The following CRYBG3 variants were observed in gnomAD, a reference collection of about 807,000 sequenced individuals.
CRYBG3 encodes the protein very large A-kinase anchor protein.
CRYBG3 carries 127 observed loss-of-function variants against 244.2 expected under a neutral mutation model. The observed-to-expected ratio is 0.52, with a 90% CI of 0.45 to 0.60. The LOEUF (loss-of-function observed/expected upper bound fraction) is 0.60. Ranked by LOEUF, CRYBG3 falls within the 20% of genes least tolerant of loss-of-function variation. The pLI, the probability that CRYBG3 is intolerant of heterozygous loss-of-function variation, is 0.00. For missense variants in CRYBG3, 3,325 were observed against 3,442.5 expected (o/e 0.97, Z 0.85); for synonymous variants, 1,132 against 1,195.8 (o/e 0.95, Z 1.10).
Position 97,872,236 on chromosome 3 carries a change from CCTT to C in CRYBG3, c.1048_1050del (p.Ser350del), listed in dbSNP as rs1350960366. On this transcript the variant is annotated inframe_deletion, in exon 4 of 22. Coordinates refer to ENST00000389622, the MANE Select transcript of CRYBG3 (RefSeq NM_153605.4). The stretch of plus-strand genomic sequence containing the variant: ...GAGTATTGAGAGAAATAGGTCATCC[CCTT>C]CTTCTGTGACTAACTCCAGCTACGA... 4 of 1,535,804 alleles carry C rather than the reference CCTT, an allele frequency of 2.6e-6. No individual in the cohort carries two copies. The South Asian group carries it at 3.6e-5, about 14-fold the overall frequency.
At chr3:97,851,131 C>CAAAAA (rs11393717) in intron 2 of CRYBG3, among the ~76,000 whole-genome samples, 1 of 94,196 alleles carries the variant, frequency 1.1e-5, no homozygotes. Flanking sequence ...AGACTGTCTC[C>CAAAAA]AAAAAAAAAA....
intron 11 of CRYBG3, among the ~76,000 whole-genome samples, chr3:97,894,270 A>T (rs1276142290): frequency 6.6e-6 from 1 of 152,162 alleles, no homozygotes; most frequent in East Asian, 1.9e-4. Flanking sequence ...GTGCATTGTT[A>T]TTCTCTAAGT....
intron 12 of CRYBG3, among the ~76,000 whole-genome samples, chr3:97,898,525 C>T (rs1227557258): frequency 6.6e-6 from 1 of 152,156 alleles, no homozygotes; most frequent in Admixed American, 6.5e-5. Flanking sequence ...CACATTGCCA[C>T]AGTACACTAT....
In CRYBG3 at chr3:97,875,437, GA is replaced by G; in HGVS notation, c.4244del (p.Asp1415ValfsTer3). ...LFSGNGSGLS[D>X]SINLQESDTV... ...TTCTGGAAATGGATCTGGACTGTCT[GA>G]TAGTATAAATTTGCAGGAATCAGAT... On this transcript the variant is annotated frameshift_variant, in exon 4 of 22. Coordinates refer to ENST00000389622, the MANE Select transcript of CRYBG3 (RefSeq NM_153605.4). LOFTEE classifies it high-confidence loss of function. The G allele has an allele frequency of 7.4e-7, 1 of 1,345,956 alleles. No individual in the cohort carries two copies. The highest frequency in any genetic ancestry group is 9.5e-7 in the Non-Finnish European group (1 of 1,056,278). The allele number at this position is 1,345,956 out of a possible 1,614,324, so 83.4% of individuals were successfully genotyped here.
In CRYBG3 at chr3:97,944,980, T is replaced by C. The variant is rs1368846312; in HGVS notation, c.*1666T>C. ...GTCAAAATATGGTTTTGTCATTTTCTGAGACACTTGGTAATTTGCTGTTCT... is the reference window on the plus strand; with the variant it reads ...GTCAAAATATGGTTTTGTCATTTTCCGAGACACTTGGTAATTTGCTGTTCT... On this transcript the variant is annotated 3_prime_UTR_variant, in exon 22 of 22. Transcript: ENST00000389622. 3 of 407,596 alleles carry C rather than the reference T, an allele frequency of 7.4e-6. No individual in the cohort carries two copies. Among genetic ancestry groups the C allele is most frequent in the Non-Finnish European group, 1.3e-5 (3 of 229,734 alleles). 25.2% of individuals were successfully genotyped at this position (407,596 alleles called of 1,614,324 possible).
intron 1 of CRYBG3, among the ~76,000 whole-genome samples, chr3:97,838,872 G>A (rs1030916001): frequency 1.3e-5 from 2 of 151,938 alleles, no homozygotes; most frequent in Admixed American, 6.6e-5. Flanking sequence ...AAAATATTTT[G>A]TCTGGCACAG....
At chr3:97,902,880 C>T (rs181207732) in intron 15 of CRYBG3, among the ~76,000 whole-genome samples, 1 of 152,242 alleles carries the variant, frequency 6.6e-6, no homozygotes, top group East Asian at 1.9e-4. Context: ...TATGTATTAT[C>T]TGCATGTCGT....
At chr3:97,917,120 A>T (rs980008977) in intron 17 of CRYBG3, among the ~76,000 whole-genome samples, 1 of 152,204 alleles carries the variant, frequency 6.6e-6, no homozygotes, top group Admixed American at 6.6e-5. Context: ...GAACTAAACC[A>T]ACAAAATTTC....
chr3:97,934,649 G>A (rs773798796), intron 18 of CRYBG3, among the ~76,000 whole-genome samples: 2 of 152,012 alleles, frequency 1.3e-5, no homozygotes, highest in Admixed American at 6.6e-5. Flanking sequence ...AAGTGGAGGT[G>A]AAAATTAAGC....
intron 2 of CRYBG3, among the ~76,000 whole-genome samples, chr3:97,843,493 G>A (rs1283259994): frequency 6.6e-6 from 1 of 152,112 alleles, no homozygotes; most frequent in Non-Finnish European, 1.5e-5. Context: ...TCTTGGCTTT[G>A]CCACTAACCC....
intron 1 of CRYBG3, among the ~76,000 whole-genome samples, chr3:97,836,665 G>A (rs2038737851): frequency 6.6e-6 from 1 of 152,104 alleles, no homozygotes; most frequent in African/African-American, 2.4e-5. Flanking sequence ...CATGGCTTGA[G>A]CAGACCCTTT....
chr3:97,839,739 C>A (rs1012304030), intron 1 of CRYBG3, among the ~76,000 whole-genome samples: 11 of 149,666 alleles, frequency 7.3e-5, no homozygotes, highest in Admixed American at 2.7e-4. Flanking sequence ...AAACACGTAC[C>A]ACCATGCCCA....
intron 15 of CRYBG3, among the ~76,000 whole-genome samples, chr3:97,911,049 C>G (rs199788945): frequency 6.6e-6 from 1 of 152,174 alleles, no homozygotes; most frequent in South Asian, 2.1e-4. Context: ...TGGTGTTGTG[C>G]AAGCCACAGA....
At position 97,873,116 on chromosome 3, in the gene CRYBG3, C is replaced by CTT; in HGVS notation, c.1922_1923insTT (p.Ser642TyrfsTer10). On this transcript the variant is annotated frameshift_variant, in exon 4 of 22. Transcript: ENST00000389622. LOFTEE classifies it high-confidence loss of function. ...GCTGAAGTATCACCTGATGCTAAAA[C>CTT]ATCTCTTAGCCTTGACTGTAAAAAA... is the stretch of plus-strand genomic sequence containing the variant. 6.5e-7 allele frequency: 1 copy of CTT among 1,535,290 alleles called. No homozygotes were observed. The highest frequency in any genetic ancestry group is 8.7e-7 in the Non-Finnish European group (1 of 1,146,458).
chr3:97,934,514 A>AC (rs1553710328), intron 18 of CRYBG3, among the ~76,000 whole-genome samples: 1 of 152,020 alleles, frequency 6.6e-6, no homozygotes, highest in Non-Finnish European at 1.5e-5. Context: ...CAACTAAAAA[A>AC]ACACACATAG....
chr3:97,874,018 T>A lies in CRYBG3; in HGVS notation c.2824T>A (p.Trp942Arg). 2.0e-6 allele frequency: 3 copies of A among 1,535,668 alleles called. No individual in the cohort carries two copies. Among genetic ancestry groups the A allele is most frequent in the Non-Finnish European group, 2.6e-6 (3 of 1,146,786 alleles). ...PPALLKSNIS[W>R]ILPPIHDEKI... ...TGCTCTTCTTAAAAGTAATATATCT[T>A]GGATTTTACCACCTATTCATGATGA... The change falls in exon 4 of 22, where the codon TGG becomes AGG. Residue 942 changes from tryptophan to arginine, a missense_variant. Trp to Arg is a moderately radical substitution (Grantham distance 101). Around this residue, in one of 4 missense-constraint regions of CRYBG3, gnomAD observed 1,526 missense variants for 1,443.2 expected, o/e 1.06. Transcript: ENST00000389622.
intron 1 of CRYBG3, among the ~76,000 whole-genome samples, chr3:97,829,022 G>A (rs1169673922): frequency 1.3e-5 from 2 of 151,906 alleles, no homozygotes; most frequent in Non-Finnish European, 2.9e-5. Flanking sequence ...GAGAAAGACT[G>A]TCTTATGCCT....
chr3:97,931,787 A>G (rs2040099877), intron 17 of CRYBG3, among the ~76,000 whole-genome samples: 1 of 151,972 alleles, frequency 6.6e-6, no homozygotes, highest in Non-Finnish European at 1.5e-5. Flanking sequence ...TGTGATATTA[A>G]TAGTCTTCCT....
intron 17 of CRYBG3, among the ~76,000 whole-genome samples, chr3:97,919,529 A>C (rs1300960993): frequency 6.6e-6 from 1 of 152,048 alleles, no homozygotes; most frequent in African/African-American, 2.4e-5. Flanking sequence ...TCTTCTCTTT[A>C]AGTTTTTCAG....
Sources: allele counts gnomAD v4.1 joint callset (sites outside exome capture counted in the v4.1 genomes callset), GRCh38; gene constraint gnomAD v4.1.1; regional missense constraint gnomAD v4.1.1; transcripts MANE v1.5; gene names NCBI Gene and HGNC (gene_info 2026-07-23, HGNC 2026-07-21).